CD44: variants seen among roughly 807,000 people sequenced by gnomAD.
CD44 encodes CD44 antigen.
Under a neutral mutation model 88.8 loss-of-function variants are expected in CD44, and 49 were observed. That is an observed-to-expected ratio of 0.55 (90% CI 0.44 to 0.70). CD44 has a LOEUF of 0.70. Among genes scored for constraint, CD44 ranks in the 30% least tolerant of loss-of-function variants. The pLI, the probability that CD44 is intolerant of heterozygous loss-of-function variation, is 0.00. For missense variants in CD44, 883 were observed against 913.8 expected (o/e 0.97, Z 0.43); for synonymous variants, 325 against 312.3 (o/e 1.04, Z -0.43).
Position 35,190,088 on chromosome 11 carries a change from C to T in CD44, c.667+23C>T, listed in dbSNP as rs780948961. On this transcript the variant is annotated intron_variant, in intron 5 of 17. Transcript: ENST00000428726. ...CCAGTAAGGAGAATAAATCACTGTG[C>T]TTCCCAATAGCAATTCCCTGGCAAA... 1.6e-5 allele frequency: 25 copies of T among 1,589,790 alleles called. No individual in the cohort carries two copies. In the South Asian group the frequency reaches 2.6e-4, roughly 17 times the overall value.
intron 17 of CD44, among the ~76,000 whole-genome samples, chr11:35,226,337 C>T (rs1337945149): frequency 6.6e-6 from 1 of 152,218 alleles, no homozygotes; most frequent in Non-Finnish European, 1.5e-5. Context: ...TTCATTCCAT[C>T]CCTCAACCAC....
chr11:35,202,419 C>T (rs1947401838), intron 9 of CD44, among the ~76,000 whole-genome samples: 1 of 152,172 alleles, frequency 6.6e-6, no homozygotes, highest in East Asian at 1.9e-4. Flanking sequence ...CAAGTTGCGG[C>T]AGTGGACTGT....
At chr11:35,222,620 C>A in intron 17 of CD44, 1 of 599,660 alleles carries the variant, frequency 1.7e-6, no homozygotes, top group Non-Finnish European at 2.1e-6. Flanking sequence ...TATATATACA[C>A]ATACATTATA....
chr11:35,225,802 G>A (rs978735451), intron 17 of CD44, among the ~76,000 whole-genome samples: 1 of 152,162 alleles, frequency 6.6e-6, no homozygotes. Flanking sequence ...GGTTGATGAA[G>A]TGAGACTTTG....
chr11:35,149,344 GA>G (rs1467266644), intron 1 of CD44, among the ~76,000 whole-genome samples: 2 of 152,348 alleles, frequency 1.3e-5, no homozygotes, highest in Non-Finnish European at 2.9e-5. Flanking sequence ...GCTTTGATAA[GA>G]GTCATTTAGA....
In CD44 at chr11:35,222,314, T is replaced by G. The variant is rs1404984760; in HGVS notation, c.2024+582T>G. The stretch of plus-strand genomic sequence containing the variant: ...GTCGTTTGTTTTTTTATTGGCCTTG[T>G]GCTTTTGTTTGTTGTTTGGTTTTTG... On this transcript the variant is annotated intron_variant, in intron 17 of 17. Transcript: ENST00000428726. 9.0e-5 allele frequency: 71 copies of G among 788,758 alleles called. No individual in the cohort carries two copies. In the East Asian group the frequency reaches 4.3e-3, roughly 47 times the overall value. 48.9% of individuals were successfully genotyped at this position (788,758 alleles called of 1,614,324 possible).
intron 1 of CD44, among the ~76,000 whole-genome samples, chr11:35,163,740 G>A (rs376492400): frequency 1.8e-4 from 28 of 152,232 alleles, no homozygotes; most frequent in East Asian, 1.4e-3. Flanking sequence ...AGCTAAATGT[G>A]CATGGTATTA....
chr11:35,199,944 T>G (rs975775161), intron 7 of CD44, among the ~76,000 whole-genome samples: 8 of 147,664 alleles, frequency 5.4e-5, no homozygotes, highest in Admixed American at 2.0e-4. Flanking sequence ...GTTTTTTTTT[T>G]TTTTTTTTTT....
At chr11:35,199,934 G>GTTTTTTTTTTT (rs60509735) in intron 7 of CD44, among the ~76,000 whole-genome samples, 161 of 90,832 alleles carry the variant, frequency 1.8e-3, no homozygotes, top group Admixed American at 3.0e-3. Context: ...CCATGGTGTT[G>GTTTTTTTTTTT]TTTTTTTTTT....
At position 35,229,385 on chromosome 11, in the gene CD44, C is replaced by A; in HGVS notation, c.*52C>A. The A allele has an allele frequency of 8.4e-7, 1 of 1,185,990 alleles. No individual in the cohort carries two copies. Among genetic ancestry groups the A allele is most frequent in the Non-Finnish European group, 1.3e-6 (1 of 799,742 alleles). The allele number at this position is 1,185,990 out of a possible 1,614,324, so 73.5% of individuals were successfully genotyped here. ...ACAACCGTTGGAAACATAACCATTA[C>A]AGGGAGCTGGGACACTTAACAGATG... On this transcript the variant is annotated 3_prime_UTR_variant, in exon 18 of 18. Transcript: ENST00000428726.
chr11:35,154,078 C>T (rs906402263), intron 1 of CD44, among the ~76,000 whole-genome samples: 1 of 152,162 alleles, frequency 6.6e-6, no homozygotes, highest in Non-Finnish European at 1.5e-5. Flanking sequence ...AACAAAAATT[C>T]TGGAGAAGCA....
chr11:35,167,118 T>A (rs1282316046), intron 1 of CD44, among the ~76,000 whole-genome samples: 1 of 152,218 alleles, frequency 6.6e-6, no homozygotes, highest in Non-Finnish European at 1.5e-5. Flanking sequence ...AGAAAATGAC[T>A]TCTTCGTGTC....
rs545269582 is a variant in CD44, at chr11:35,146,503, A to T, written c.67+7133A>T. Among the ~76,000 whole-genome samples the T allele has an allele frequency of 5.9e-5, 9 of 152,330 alleles. No homozygotes were observed. The South Asian group carries it at 1.0e-3, about 18-fold the overall frequency. Reference sequence around the variant, plus strand: ...AATAGCAAACACTTACAGAGTGTTGACCATGTACCAGCGCCATTCTAATTG... The same window carrying T: ...AATAGCAAACACTTACAGAGTGTTGTCCATGTACCAGCGCCATTCTAATTG... On this transcript the variant is annotated intron_variant, in intron 1 of 17. Transcript: ENST00000428726.
intron 10 of CD44, among the ~76,000 whole-genome samples, chr11:35,205,548 A>G (rs1947745836): frequency 6.6e-6 from 1 of 151,892 alleles, no homozygotes; most frequent in Non-Finnish European, 1.5e-5. Context: ...GAAGCAAGGC[A>G]TGTGCTGCTT....
intron 15 of CD44, among the ~76,000 whole-genome samples, chr11:35,218,281 C>T (rs893424584): frequency 6.6e-6 from 1 of 152,094 alleles, no homozygotes; most frequent in Admixed American, 6.6e-5. Context: ...TTAGCAGGGA[C>T]TCTAATAGGG....
In CD44 at chr11:35,201,165, G is replaced by A. The variant is rs1947279373; in HGVS notation, c.1006G>A (p.Val336Met). ...GAACCCAAGCCATTCAAATCCGGAA[G>A]TGCTACTTCAGACAACCACAAGGAT... Reference protein sequence around the residue: ...QWNPSHSNPEVLLQTTTRMTD... With the variant: ...QWNPSHSNPEMLLQTTTRMTD... Residue 336 changes from valine to methionine, a missense_variant, in exon 8 of 18, where the codon GTG becomes ATG. Around this residue, in one of 2 missense-constraint regions of CD44, gnomAD observed 631 missense variants for 590.9 expected, o/e 1.07. Coordinates refer to ENST00000428726, the MANE Select transcript of CD44 (RefSeq NM_000610.4). 6.2e-7 allele frequency: 1 copy of A among 1,613,876 alleles called. No individual in the cohort carries two copies. Among genetic ancestry groups the A allele is most frequent in the Non-Finnish European group, 8.5e-7 (1 of 1,179,754 alleles).
intron 1 of CD44, among the ~76,000 whole-genome samples, chr11:35,146,589 ATCTG>A (rs1335266281): frequency 2.4e-4 from 37 of 152,308 alleles, no homozygotes; most frequent in African/African-American, 7.9e-4. Flanking sequence ...TGCTGTTATT[ATCTG>A]TCTTTTACAT....
At chr11:35,177,185 T>A (rs958638655) in intron 2 of CD44, 4 of 107,252 alleles carry the variant, frequency 3.7e-5, no homozygotes, top group Admixed American at 1.1e-4. Flanking sequence ...TAAAAAAAAT[T>A]TTTTTTGGTT....
intron 16 of CD44, among the ~76,000 whole-genome samples, chr11:35,219,763 G>A (rs1949136097): frequency 6.6e-6 from 1 of 152,180 alleles, no homozygotes; most frequent in Non-Finnish European, 1.5e-5. Context: ...TGGGGTCCAA[G>A]GTGAAGCATG....
Sources: gnomAD v4.1 joint callset for allele counts (sites outside exome capture counted in the v4.1 genomes callset) on GRCh38, gnomAD v4.1.1 for gene constraint, gnomAD v4.1.1 regional missense constraint, MANE v1.5 for transcripts, NCBI Gene and HGNC (gene_info 2026-07-23, HGNC 2026-07-21) for gene names.